GRHL2: variants seen among roughly 807,000 people sequenced by gnomAD.
GRHL2 encodes the protein grainyhead like transcription factor 2, also known as grainyhead-like protein 2 homolog.
In GRHL2, 21 loss-of-function variants were observed where a neutral mutation model predicts 83.8. The ratio of observed to expected loss-of-function variants is 0.25; its 90% CI spans 0.18 to 0.36. GRHL2 has a LOEUF of 0.36. Ranked by LOEUF, GRHL2 falls within the 10% of genes least tolerant of loss-of-function variation. The pLI is 1.00. For synonymous variants in GRHL2, 280 were observed against 278.9 expected, an observed-to-expected ratio of 1.00 and a Z score of -0.04; for missense variants, 623 against 781.8, an observed-to-expected ratio of 0.80 and a Z score of 2.42.
intron 3 of GRHL2, among the ~76,000 whole-genome samples, chr8:101,555,322 G>A (rs1468498676): frequency 1.3e-5 from 2 of 152,062 alleles, no homozygotes; most frequent in Admixed American, 6.6e-5. Flanking sequence ...TTCACTCAAG[G>A]ATCTGGGCTG....
At chr8:101,665,273 AAG>A (rs1431736894) in intron 15 of GRHL2, among the ~76,000 whole-genome samples, 7 of 152,166 alleles carry the variant, frequency 4.6e-5, no homozygotes, top group African/African-American at 1.7e-4. Context: ...GTGACGGTCT[AAG>A]AGTAGGGGCC....
intron 1 of GRHL2, among the ~76,000 whole-genome samples, chr8:101,513,196 C>T (rs114956330): frequency 6.6e-6 from 1 of 152,142 alleles, no homozygotes; most frequent in Non-Finnish European, 1.5e-5. Context: ...ATAATAGGTT[C>T]AGTTCATCAA....
At chr8:101,535,175 C>T (rs1407475317) in intron 1 of GRHL2, among the ~76,000 whole-genome samples, 11 of 152,170 alleles carry the variant, frequency 7.2e-5, no homozygotes. Flanking sequence ...TTACCCTGGA[C>T]AACTTAGTTA....
At chr8:101,652,205 C>T (rs140692516) in intron 14 of GRHL2, among the ~76,000 whole-genome samples, 3 of 152,196 alleles carry the variant, frequency 2.0e-5, no homozygotes, top group African/African-American at 7.2e-5. Context: ...ACCATAGTGA[C>T]ACCAGTGCAC....
At chr8:101,579,408 T>C (rs979621337) in intron 7 of GRHL2, among the ~76,000 whole-genome samples, 1 of 152,214 alleles carries the variant, frequency 6.6e-6, no homozygotes, top group Non-Finnish European at 1.5e-5. Context: ...TATCATCTCT[T>C]GCCTGCCTTC....
chr8:101,494,710 G>C (rs1810058793), intron 1 of GRHL2, among the ~76,000 whole-genome samples: 1 of 152,154 alleles, frequency 6.6e-6, no homozygotes. Flanking sequence ...GAATGAAAAC[G>C]GGTCGGTCTT....
At chr8:101,519,762 G>C in intron 1 of GRHL2, among the ~76,000 whole-genome samples, 1 of 152,134 alleles carries the variant, frequency 6.6e-6, no homozygotes, top group Middle Eastern at 3.4e-3. Context: ...ATGTATATGT[G>C]CATGTATATT....
chr8:101,649,788 C>G (rs528790508), intron 14 of GRHL2, among the ~76,000 whole-genome samples: 4 of 152,150 alleles, frequency 2.6e-5, no homozygotes, highest in Admixed American at 6.5e-5. Flanking sequence ...CGGTATGAAA[C>G]CGAATTAGAT....
chr8:101,535,730 G>C (rs889093391), intron 1 of GRHL2, among the ~76,000 whole-genome samples: 4 of 152,018 alleles, frequency 2.6e-5, no homozygotes, highest in Non-Finnish European at 5.9e-5. Flanking sequence ...AGTAGAGACA[G>C]GGTTTCACCA....
At chr8:101,528,821 T>A (rs976108372) in intron 1 of GRHL2, 10 of 343,584 alleles carry the variant, frequency 2.9e-5, no homozygotes, top group Admixed American at 1.8e-4. Flanking sequence ...GAAGAGCCAT[T>A]CAAACCAAAT....
rs144383779 is a variant in GRHL2, at chr8:101,607,380, G to A, written c.1098+8229G>A. Among the ~76,000 whole-genome samples the A allele has an allele frequency of 2.3e-3, 354 of 152,298 alleles. 1 individual carries two copies. Among genetic ancestry groups the A allele is most frequent in the African/African-American group, 8.1e-3 (335 of 41,574 alleles). ...ACTGTCTGAAGGAGACTACACTCCTGAGTGCCCTGTGGGTTCATGACCTTG... is the reference window on the plus strand; with the variant it reads ...ACTGTCTGAAGGAGACTACACTCCTAAGTGCCCTGTGGGTTCATGACCTTG... On this transcript the variant is annotated intron_variant, in intron 8 of 15. Coordinates refer to ENST00000646743, the MANE Select transcript of GRHL2 (RefSeq NM_024915.4).
At chr8:101,630,607 G>A (rs1167139156) in intron 9 of GRHL2, among the ~76,000 whole-genome samples, 1 of 152,148 alleles carries the variant, frequency 6.6e-6, no homozygotes, top group African/African-American at 2.4e-5. Flanking sequence ...TGGCCATTCT[G>A]TGCATTACTG....
chr8:101,676,275 C>A, the GRHL2 span, among the ~76,000 whole-genome samples: 3 of 151,810 alleles, frequency 2.0e-5, no homozygotes, highest in African/African-American at 4.8e-5. Flanking sequence ...GAACAGGCAA[C>A]CTACAGAATG....
chr8:101,574,681 A>G (rs1284021626), intron 6 of GRHL2, among the ~76,000 whole-genome samples: 1 of 152,250 alleles, frequency 6.6e-6, no homozygotes, highest in East Asian at 1.9e-4. Context: ...GTTCCACGCA[A>G]GGCTGAGCTC....
chr8:101,563,496 C>T (rs1012827485), intron 4 of GRHL2, among the ~76,000 whole-genome samples: 3 of 152,084 alleles, frequency 2.0e-5, no homozygotes, highest in African/African-American at 7.2e-5. Flanking sequence ...ACTCCTGGCA[C>T]CAGTCATTTC....
At chr8:101,629,735 AT>A (rs1291593577) in intron 9 of GRHL2, among the ~76,000 whole-genome samples, 2 of 152,134 alleles carry the variant, frequency 1.3e-5, no homozygotes, top group Non-Finnish European at 2.9e-5. Context: ...CAAGAAAAAA[AT>A]ATTTCCTATC....
At chr8:101,542,675 A>C in intron 1 of GRHL2, 2 of 451,374 alleles carry the variant, frequency 4.4e-6, no homozygotes, top group Non-Finnish European at 8.9e-6. Flanking sequence ...ATAACAGAAT[A>C]CCTGACCCTG....
rs193263712 is a variant in GRHL2, at chr8:101,510,820, C to T, written c.20+18031C>T. ...TAAAATTTTTCACTTGTCGGCCGGG[C>T]GTGGTGGCTCATACCTGTAATCCCA... is the stretch of plus-strand genomic sequence containing the variant. On this transcript the variant is annotated intron_variant, in intron 1 of 15. Coordinates refer to ENST00000646743, the MANE Select transcript of GRHL2 (RefSeq NM_024915.4). Among the ~76,000 whole-genome samples the T allele has an allele frequency of 1.9e-3, 290 of 152,200 alleles. 3 individuals carry two copies. Among genetic ancestry groups the T allele is most frequent in the African/African-American group, 6.4e-3 (267 of 41,532 alleles).
At chr8:101,532,453 T>C (rs1307125178) in intron 1 of GRHL2, among the ~76,000 whole-genome samples, 1 of 151,992 alleles carries the variant, frequency 6.6e-6, no homozygotes, top group Non-Finnish European at 1.5e-5. Flanking sequence ...ATATAAACTA[T>C]TTAGAGAGTA....
Sources: allele counts gnomAD v4.1 joint callset (sites outside exome capture counted in the v4.1 genomes callset), GRCh38; gene constraint gnomAD v4.1.1; transcripts MANE v1.5; gene names NCBI Gene and HGNC (gene_info 2026-07-23, HGNC 2026-07-21).